The following DGLUCY variants were observed in gnomAD, a reference collection of about 807,000 sequenced individuals.
DGLUCY encodes the protein D-glutamate cyclase.
A neutral mutation model predicts 58.5 loss-of-function variants in DGLUCY; 58 were observed. The ratio of observed to expected loss-of-function variants is 0.99; its 90% confidence interval spans 0.80 to 1.23. The LOEUF is 1.23. DGLUCY is among the 50% of genes most tolerant of loss of function. The probability of loss-of-function intolerance (pLI) is 0.00; values close to 1 mark genes in which losing one functional copy is unlikely to be tolerated. For missense variants in DGLUCY, 779 were observed against 784.7 expected, an observed-to-expected ratio of 0.99 and a Z score of 0.09; for synonymous variants, 325 against 314.1, an observed-to-expected ratio of 1.03 and a Z score of -0.37.
chr14:91,196,284 T>C (rs1169968289), intron 9 of DGLUCY, 91 bp from the exon 10 acceptor site: 3 of 924,524 alleles, frequency 3.2e-6, no homozygotes, highest in African/African-American at 3.3e-5. Context: ...ACAGTAATGA[T>C]ACCCTTCAAA....
At chr14:91,129,290 T>A (rs1043614074) in intron 1 of DGLUCY, among the ~76,000 whole-genome samples, 4 of 152,178 alleles carry the variant, frequency 2.6e-5, no homozygotes, top group Admixed American at 2.0e-4. Flanking sequence ...TATGTGCTTC[T>A]CCCCAGTCAT....
intron 1 of DGLUCY, among the ~76,000 whole-genome samples, chr14:91,080,964 G>C (rs1224460279): frequency 2.6e-5 from 4 of 152,200 alleles, no homozygotes; most frequent in African/African-American, 9.6e-5. Context: ...AGCACTTTGG[G>C]AGGCCGAGGC....
At chr14:91,097,781 C>T (rs184485349) in intron 1 of DGLUCY, among the ~76,000 whole-genome samples, 43 of 151,376 alleles carry the variant, frequency 2.8e-4, no homozygotes, top group Non-Finnish European at 3.2e-4. Context: ...TCAAGCAATT[C>T]TTCTGCTTCA....
upstream of DGLUCY, among the ~76,000 whole-genome samples, chr14:91,105,055 C>T (rs1664822881): frequency 6.6e-6 from 1 of 152,138 alleles, no homozygotes; most frequent in Non-Finnish European, 1.5e-5. Context: ...TAGCTCACGC[C>T]TATAATCCCA....
chr14:91,130,544 G>A (rs547322667), intron 1 of DGLUCY, among the ~76,000 whole-genome samples: 12 of 152,240 alleles, frequency 7.9e-5, no homozygotes, highest in African/African-American at 2.9e-4. Flanking sequence ...TTGACCTTGT[G>A]ATCCGCCCTC....
chr14:91,102,807 A>G lies in DGLUCY; in HGVS notation c.-82+42103A>G, dbSNP rs1291898379. On this transcript the variant is annotated intron_variant, in intron 1 of 4. Transcript: ENST00000521334. ...TGTGTTTGAGACTGAGTCTCGCTCT[A>G]TCACCCAGCAGTGGCGTGATCTCGG... is the stretch of plus-strand genomic sequence containing the variant. Among the ~76,000 whole-genome samples the G allele has an allele frequency of 2.5e-5, 3 of 118,564 alleles. No homozygotes were observed. In the East Asian group the frequency reaches 7.5e-4, roughly 30 times the overall value. 77.8% of individuals were successfully genotyped at this position (118,564 alleles called of 152,430 possible).
chr14:91,171,352 C>T (rs1595830341), intron 5 of DGLUCY, among the ~76,000 whole-genome samples: 1 of 152,208 alleles, frequency 6.6e-6, no homozygotes, highest in South Asian at 2.1e-4. Context: ...TACAAAGGTG[C>T]AAGTAAGTGT....
chr14:91,112,513 C>T (rs2140101047), upstream of DGLUCY, among the ~76,000 whole-genome samples: 1 of 152,174 alleles, frequency 6.6e-6, no homozygotes, highest in East Asian at 1.9e-4. Flanking sequence ...AGAGATGGCA[C>T]CCTGGGTGGG....
chr14:91,145,588 A>AGTCT (rs1566964957), intron 1 of DGLUCY, among the ~76,000 whole-genome samples: 1 of 152,074 alleles, frequency 6.6e-6, no homozygotes, highest in East Asian at 1.9e-4. Flanking sequence ...GTTGACACCA[A>AGTCT]TGGTACCCAC....
intron 1 of DGLUCY, among the ~76,000 whole-genome samples, chr14:91,069,988 T>C (rs2140026239): frequency 6.6e-6 from 1 of 152,124 alleles, no homozygotes; most frequent in South Asian, 2.1e-4. Context: ...AGGCATTTAG[T>C]TGAAAAAACT....
At chr14:91,061,519 T>C (rs1337163825) in intron 1 of DGLUCY, among the ~76,000 whole-genome samples, 1 of 152,112 alleles carries the variant, frequency 6.6e-6, no homozygotes, top group African/African-American at 2.4e-5. Context: ...GTACAAAGCG[T>C]TAGAGAATCT....
At chr14:91,082,276 C>T (rs901095158) in intron 1 of DGLUCY, among the ~76,000 whole-genome samples, 4 of 152,184 alleles carry the variant, frequency 2.6e-5, no homozygotes, top group Admixed American at 2.6e-4. Flanking sequence ...CCACACTCCC[C>T]CCTTCCCATG....
intron 1 of DGLUCY, among the ~76,000 whole-genome samples, chr14:91,143,485 A>G (rs1046661392): frequency 2.0e-5 from 3 of 152,184 alleles, no homozygotes; most frequent in Non-Finnish European, 4.4e-5. Context: ...CCTTAGGTGT[A>G]ATCTAAATAC....
chr14:91,223,785 G>A lies in DGLUCY; in HGVS notation c.1717-899G>A, dbSNP rs1422391783. 2.7e-6 allele frequency: 3 copies of A among 1,115,458 alleles called. No individual in the cohort carries two copies. The African/African-American group carries it at 4.9e-5, about 18-fold the overall frequency. 69.1% of individuals were successfully genotyped at this position (1,115,458 alleles called of 1,614,324 possible). ...TGTTGTGTGCCAAGGACCCTGCTAA[G>A]TGCTTTGCTTGTACGTAATCCTCAG... On this transcript the variant is annotated intron_variant, in intron 13 of 13. Transcript: ENST00000256324.
At chr14:91,078,156 G>A (rs1252550605) in intron 1 of DGLUCY, among the ~76,000 whole-genome samples, 2 of 152,152 alleles carry the variant, frequency 1.3e-5, no homozygotes, top group African/African-American at 4.8e-5. Context: ...AGCCTCCCGA[G>A]TAGCTGGAAT....
rs2049067861 is a variant in DGLUCY, at chr14:91,179,880, TA to T, written c.731-1303del. 2.1e-5 allele frequency among the ~76,000 whole-genome samples: 3 copies of T among 143,504 alleles called. 1 individual carries two copies. The South Asian group carries it at 6.8e-4, about 32-fold the overall frequency. The allele number at this position is 143,504 out of a possible 152,430, so 94.1% of individuals were successfully genotyped here. On this transcript the variant is annotated intron_variant, in intron 7 of 13. Coordinates refer to ENST00000256324, the MANE Select transcript of DGLUCY (RefSeq NM_001102368.3). The stretch of plus-strand genomic sequence containing the variant: ...TTACATTTTTAAACCACGAGTATGC[TA>T]AACACTTTTTTTTTTTTTTTTTTTT...
In DGLUCY at chr14:91,204,856, C is replaced by T. The variant is rs537323192; in HGVS notation, c.1564+31C>T. 1.6e-4 allele frequency: 260 copies of T among 1,613,252 alleles called. 1 individual carries two copies. In the East Asian group the frequency reaches 5.4e-3, roughly 33 times the overall value. On this transcript the variant is annotated intron_variant, in intron 12 of 13. Transcript: ENST00000256324. Reference sequence around the variant, plus strand: ...CACTCGGATGGCCGCCCAGTCCGGCCGGCTACCCAGGGTGAGCGACCTGGC... The same window carrying T: ...CACTCGGATGGCCGCCCAGTCCGGCTGGCTACCCAGGGTGAGCGACCTGGC...
At chr14:91,074,310 A>ATAT (rs1225889333) in intron 1 of DGLUCY, among the ~76,000 whole-genome samples, 56 of 138,082 alleles carry the variant, frequency 4.1e-4, no homozygotes, top group African/African-American at 6.8e-4. Context: ...AAAAAAAAAA[A>ATAT]AAATATATAT....
At chr14:91,191,593 A>G (rs889050832) in intron 9 of DGLUCY, among the ~76,000 whole-genome samples, 4 of 152,068 alleles carry the variant, frequency 2.6e-5, no homozygotes, top group African/African-American at 9.7e-5. Flanking sequence ...TCCCTCCCAC[A>G]TGCTTCGTGG....
Sources: gnomAD v4.1 joint callset for allele counts (sites outside exome capture counted in the v4.1 genomes callset) on GRCh38, gnomAD v4.1.1 for gene constraint, MANE v1.5 for transcripts, NCBI Gene and HGNC (gene_info 2026-07-23, HGNC 2026-07-21) for gene names.